Variants in UBE2W observed in about 807,000 individuals in gnomAD.
UBE2W encodes ubiquitin-conjugating enzyme E2 W.
In UBE2W, 18 loss-of-function variants were observed where a neutral mutation model predicts 27.2. The observed-to-expected ratio is 0.66, with a 90% confidence interval of 0.46 to 0.98. The LOEUF is 0.98. Among genes scored for constraint, UBE2W ranks in the 50% least tolerant of loss-of-function variants. UBE2W has a pLI of 0.00. For synonymous variants in UBE2W, 53 were observed against 57.2 expected, an observed-to-expected ratio of 0.93 and a Z score of 0.33; for missense variants, 90 against 180.2, an observed-to-expected ratio of 0.50 and a Z score of 2.87.
At position 73,790,833 on chromosome 8, in the gene UBE2W, G is replaced by C. The variant is rs996050355; in HGVS notation, c.*3269C>G. 11 of 984,766 alleles carry C rather than the reference G, an allele frequency of 1.1e-5. No homozygotes were observed. In the African/African-American group the frequency reaches 1.9e-4, roughly 17 times the overall value. 61.0% of individuals were successfully genotyped at this position (984,766 alleles called of 1,614,324 possible). A position where few individuals can be genotyped will look rare whatever the true frequency, so the allele number is the denominator to read the frequency against. On this transcript the variant is annotated 3_prime_UTR_variant, in exon 6 of 6. Coordinates refer to ENST00000602593, the MANE Select transcript of UBE2W (RefSeq NM_018299.6). Reference sequence around the variant, plus strand: ...TTCCATTATTTACCAATTCATCTTTGATGCAACTTGGAAACAATTAAGCAG... The same window carrying C: ...TTCCATTATTTACCAATTCATCTTTCATGCAACTTGGAAACAATTAAGCAG...
chr8:73,796,843 A>G (rs769237341), intron 5 of UBE2W, among the ~76,000 whole-genome samples: 1 of 152,106 alleles, frequency 6.6e-6, no homozygotes, highest in Non-Finnish European at 1.5e-5. Flanking sequence ...TAGCCAGATG[A>G]AAGTATTATT....
chr8:73,805,466 A>AAAAC (rs1808848072), intron 5 of UBE2W, among the ~76,000 whole-genome samples, 185 bp downstream of exon 5: 2 of 124,130 alleles, frequency 1.6e-5, no homozygotes, highest in East Asian at 2.1e-4. Context: ...AAAAAAAAAA[A>AAAAC]AAAAACAAAA....
rs1809617965 is a variant in UBE2W, at chr8:73,821,596, A to ATT, written c.210+3550_210+3551insAA. On this transcript the variant is annotated intron_variant, in intron 3 of 5. Coordinates refer to ENST00000602593, the MANE Select transcript of UBE2W (RefSeq NM_018299.6). The stretch of plus-strand genomic sequence containing the variant: ...GTGTGTGCATGTCCATGTGTGTGGT[A>ATT]TGTAACCAGTGAGATAACTGTGCCT... 9.2e-3 allele frequency among the ~76,000 whole-genome samples: 1,237 copies of ATT among 135,078 alleles called. 26 individuals carry two copies. The highest frequency in any genetic ancestry group is 0.033 in the African/African-American group (1,191 of 35,618). The allele number at this position is 135,078 out of a possible 152,430, so 88.6% of individuals were successfully genotyped here.
In UBE2W at chr8:73,790,710, T is replaced by C; in HGVS notation, c.*3392A>G. ...AAGAAGTTATAACAAGTTTTAAATA[T>C]CTCAATTCTGAAAAACAATAGGCTT... On this transcript the variant is annotated 3_prime_UTR_variant, in exon 6 of 6. Transcript: ENST00000602593. 1.0e-6 allele frequency: 1 copy of C among 978,128 alleles called. No homozygotes were observed. The highest frequency in any genetic ancestry group is 1.2e-6 in the Non-Finnish European group (1 of 823,368). 60.6% of individuals were successfully genotyped at this position (978,128 alleles called of 1,614,324 possible).
At chr8:73,841,911 G>GA (rs59512182) in intron 1 of UBE2W, among the ~76,000 whole-genome samples, 8,624 of 152,028 alleles carry the variant, frequency 0.057, 807 homozygotes, top group African/African-American at 0.19. Flanking sequence ...ACTTTAAACT[G>GA]AAAAAAATTC....
chr8:73,829,036 C>T (rs1323430190), intron 2 of UBE2W, among the ~76,000 whole-genome samples: 1 of 152,136 alleles, frequency 6.6e-6, no homozygotes, highest in East Asian at 1.9e-4. Context: ...GGTTCATTTA[C>T]AATAAATTAT....
intron 1 of UBE2W, among the ~76,000 whole-genome samples, chr8:73,874,274 A>G (rs1442469343): frequency 6.6e-6 from 1 of 151,876 alleles, no homozygotes; most frequent in Non-Finnish European, 1.5e-5. Flanking sequence ...TACTAAAAAT[A>G]CAAAAAATAA....
intron 5 of UBE2W, among the ~76,000 whole-genome samples, chr8:73,804,142 C>A (rs1305155281): frequency 6.6e-6 from 1 of 151,946 alleles, no homozygotes; most frequent in Non-Finnish European, 1.5e-5. Context: ...TCGTTCAACA[C>A]CTGGGGAACT....
chr8:73,801,109 G>T (rs1214874871), intron 5 of UBE2W, among the ~76,000 whole-genome samples: 1 of 151,918 alleles, frequency 6.6e-6, no homozygotes, highest in Non-Finnish European at 1.5e-5. Flanking sequence ...AAAAGAAAAA[G>T]AATAAGAACT....
intron 5 of UBE2W, among the ~76,000 whole-genome samples, chr8:73,798,303 T>TCA (rs1808506191): frequency 1.3e-5 from 2 of 152,242 alleles, no homozygotes; most frequent in Admixed American, 6.5e-5. Context: ...TCTCAAAAAA[T>TCA]AAATGAAGTT....
rs1808025255 is a variant in UBE2W at position 73,787,888 on chromosome 8, G to A, written c.*6214C>T. On this transcript the variant is annotated 3_prime_UTR_variant, in exon 6 of 6. Transcript: ENST00000602593. ...ACTGAAAACACTCAGTCTTTAGTTG[G>A]GACTTATTAAAACACTAAAACTAGC... 1 of 985,166 alleles carries A rather than the reference G, an allele frequency of 1.0e-6. No individual in the cohort carries two copies. The highest frequency in any genetic ancestry group is 1.2e-6 in the Non-Finnish European group (1 of 829,912). 61.0% of individuals were successfully genotyped at this position (985,166 alleles called of 1,614,324 possible).
intron 3 of UBE2W, among the ~76,000 whole-genome samples, chr8:73,815,391 C>CA (rs1294960951): frequency 2.0e-5 from 3 of 152,034 alleles, no homozygotes; most frequent in Admixed American, 1.3e-4. Flanking sequence ...AAACAAAAAA[C>CA]AAAAAACCTC....
rs929978948 is a variant in UBE2W, at chr8:73,846,396, CAAAAAG to C, written c.16-15930_16-15925del. Among the ~76,000 whole-genome samples, 17 of 151,910 alleles carry C rather than the reference CAAAAAG, an allele frequency of 1.1e-4. 1 individual carries two copies. The highest frequency in any genetic ancestry group is 5.2e-4 in the Admixed American group (8 of 15,254). The stretch of plus-strand genomic sequence containing the variant: ...AGGCAACAAGAGCGAAACTCCATCT[CAAAAAG>C]AAAAAGAAAAAGAAAAAACTCTTTG... On this transcript the variant is annotated intron_variant, in intron 1 of 5. Coordinates refer to ENST00000602593, the MANE Select transcript of UBE2W (RefSeq NM_018299.6).
At position 73,793,465 on chromosome 8, in the gene UBE2W, A is replaced by G. The variant is rs375487621; in HGVS notation, c.*637T>C. Reference sequence around the variant, plus strand: ...TGCCAATGTTACTTGAAAATCTTCCATGTCAAAACAACTTGACAGTAGATA... The same window carrying G: ...TGCCAATGTTACTTGAAAATCTTCCGTGTCAAAACAACTTGACAGTAGATA... On this transcript the variant is annotated 3_prime_UTR_variant, in exon 6 of 6. Coordinates refer to ENST00000602593, the MANE Select transcript of UBE2W (RefSeq NM_018299.6). 2 of 985,838 alleles carry G rather than the reference A, an allele frequency of 2.0e-6. No individual in the cohort carries two copies. 61.1% of individuals were successfully genotyped at this position (985,838 alleles called of 1,614,324 possible).
At chr8:73,845,275 G>A (rs1053649343) in intron 1 of UBE2W, among the ~76,000 whole-genome samples, 5 of 152,232 alleles carry the variant, frequency 3.3e-5, no homozygotes, top group African/African-American at 1.2e-4. Flanking sequence ...CAGAAAAGGA[G>A]GAAATGTGGA....
downstream of UBE2W, among the ~76,000 whole-genome samples, chr8:73,785,992 T>G (rs1807943165): frequency 6.6e-6 from 1 of 152,240 alleles, no homozygotes; most frequent in Non-Finnish European, 1.5e-5. Flanking sequence ...ATCTCCCTTA[T>G]TACATATGCC....
intron 3 of UBE2W, among the ~76,000 whole-genome samples, chr8:73,823,252 AACTT>A (rs1371703519): frequency 6.6e-6 from 1 of 152,236 alleles, no homozygotes; most frequent in African/African-American, 2.4e-5. Flanking sequence ...CAAATGCTGT[AACTT>A]ACAGAAATAT....
intron 1 of UBE2W, chr8:73,833,667 A>G (rs1385689136): frequency 6.6e-6 from 1 of 152,228 alleles, no homozygotes. Flanking sequence ...AAAACAAAAC[A>G]AAACAAAACA....
chr8:73,796,061 C>CAAAAAAAAAAAAAAAAAAAAA lies in UBE2W; in HGVS notation c.443-1967_443-1947dup, dbSNP rs34660612. Reference sequence around the variant, plus strand: ...CGTGATCCCTAGCCAACACCATCTCCAAAAAAAAAAAAAAAAAAAAAAAGG... The same window carrying CAAAAAAAAAAAAAAAAAAAAA: ...CGTGATCCCTAGCCAACACCATCTCCAAAAAAAAAAAAAAAAAAAAAAAAAAAAAAAAAAAAAAAAAAAAGG... On this transcript the variant is annotated intron_variant, in intron 5 of 5. Coordinates refer to ENST00000602593, the MANE Select transcript of UBE2W (RefSeq NM_018299.6). 3.0e-5 allele frequency: 2 copies of CAAAAAAAAAAAAAAAAAAAAA among 65,684 alleles called. 1 individual carries two copies. 4.1% of individuals were successfully genotyped at this position (65,684 alleles called of 1,614,324 possible).
Sources: gnomAD v4.1 joint callset for allele counts (sites outside exome capture counted in the v4.1 genomes callset) on GRCh38, gnomAD v4.1.1 for gene constraint, MANE v1.5 for transcripts, NCBI Gene and HGNC (gene_info 2026-07-23, HGNC 2026-07-21) for gene names.